Variants in TMTC2 observed in about 807,000 individuals in gnomAD.
TMTC2 encodes transmembrane O-mannosyltransferase targeting cadherins 2, also known as protein O-mannosyl-transferase TMTC2.
Under a neutral mutation model 82.4 loss-of-function variants are expected in TMTC2, and 43 were observed. The ratio of observed to expected loss-of-function variants is 0.52; its 90% confidence interval spans 0.41 to 0.67. TMTC2 has a LOEUF of 0.67. Among genes scored for constraint, TMTC2 ranks in the 30% least tolerant of loss-of-function variants. The probability of loss-of-function intolerance (pLI) is 0.00; values close to 1 mark genes in which losing one functional copy is unlikely to be tolerated. For synonymous variants in TMTC2, 408 were observed against 381.9 expected (o/e 1.07, Z -0.80); for missense variants, 919 against 1,012.4 (o/e 0.91, Z 1.25).
chr12:82,980,089 T>C (rs958760466), intron 7 of TMTC2, among the ~76,000 whole-genome samples: 4 of 151,846 alleles, frequency 2.6e-5, no homozygotes, highest in African/African-American at 9.7e-5. Context: ...TCTATAACCG[T>C]CTTGTTATTT....
chr12:82,693,275 A>C (rs183823696), intron 1 of TMTC2, among the ~76,000 whole-genome samples: 7 of 152,318 alleles, frequency 4.6e-5, no homozygotes, highest in Admixed American at 4.6e-4. Context: ...TCATATTTAA[A>C]AACTTTCATT....
At chr12:82,775,807 C>T (rs1052163447) in intron 1 of TMTC2, among the ~76,000 whole-genome samples, 25 of 152,024 alleles carry the variant, frequency 1.6e-4, no homozygotes, top group African/African-American at 5.5e-4. Context: ...TGTACCAACC[C>T]ATATCTAGTG....
At chr12:82,788,309 A>G (rs983676996) in intron 1 of TMTC2, among the ~76,000 whole-genome samples, 1 of 152,136 alleles carries the variant, frequency 6.6e-6, no homozygotes, top group Non-Finnish European at 1.5e-5. Flanking sequence ...GGAAATAAGT[A>G]TTTTTCTACA....
chr12:82,955,694 C>T (rs1233689343), intron 4 of TMTC2, among the ~76,000 whole-genome samples: 1 of 152,082 alleles, frequency 6.6e-6, no homozygotes, highest in Non-Finnish European at 1.5e-5. Context: ...GTTCATATCT[C>T]CAGGTGTATT....
chr12:82,943,077 T>C (rs1009777929), intron 4 of TMTC2, among the ~76,000 whole-genome samples: 7 of 152,162 alleles, frequency 4.6e-5, no homozygotes, highest in Admixed American at 2.6e-4. Flanking sequence ...GCTGCTTATA[T>C]AAACAAAGCA....
Position 82,985,857 on chromosome 12 carries a change from A to T in TMTC2, c.1949-68A>T, listed in dbSNP as rs1032313093. ...ACGCAGTATGATGATGATGATGATG[A>T]TGCTGTTGCAAATAATGTGGAAAAG... On this transcript the variant is annotated intron_variant, in intron 7 of 11. Transcript: ENST00000321196. 5.8e-6 allele frequency: 9 copies of T among 1,551,866 alleles called. No homozygotes were observed. In the African/African-American group the frequency reaches 1.2e-4, roughly 21 times the overall value.
rs1016275972 is a variant in TMTC2, at chr12:83,132,610, T to C, written c.*221T>C. On this transcript the variant is annotated 3_prime_UTR_variant, in exon 12 of 12. Transcript: ENST00000321196. Reference sequence around the variant, plus strand: ...GAAACCTCCTGGAGGATGTCATTGTTACCCATAGACTGTAAACCAGAGCAC... The same window carrying C: ...GAAACCTCCTGGAGGATGTCATTGTCACCCATAGACTGTAAACCAGAGCAC... The C allele has an allele frequency of 3.7e-6, 2 of 539,296 alleles. No individual in the cohort carries two copies. The highest frequency in any genetic ancestry group is 5.2e-5 in the South Asian group (2 of 38,714). 33.4% of individuals were successfully genotyped at this position (539,296 alleles called of 1,614,324 possible).
intron 4 of TMTC2, among the ~76,000 whole-genome samples, chr12:82,934,357 C>T (rs1412259539): frequency 6.6e-6 from 1 of 152,096 alleles, no homozygotes; most frequent in Non-Finnish European, 1.5e-5. Flanking sequence ...TTAGTTATTT[C>T]TCCTAATGCT....
intron 8 of TMTC2, among the ~76,000 whole-genome samples, chr12:83,016,379 C>A (rs529931084): frequency 1.3e-5 from 2 of 152,322 alleles, no homozygotes; most frequent in South Asian, 2.1e-4. Context: ...AGTATGCCTA[C>A]TCTTTTTTCA....
intron 11 of TMTC2, among the ~76,000 whole-genome samples, chr12:83,115,103 C>T (rs987649472): frequency 6.6e-6 from 1 of 151,980 alleles, no homozygotes; most frequent in African/African-American, 2.4e-5. Context: ...TTGGGATGAG[C>T]AGTCATGTAT....
intron 1 of TMTC2, among the ~76,000 whole-genome samples, chr12:82,710,981 G>T (rs1873592599): frequency 1.3e-5 from 2 of 152,108 alleles, no homozygotes; most frequent in African/African-American, 4.8e-5. Context: ...TAAACCTACT[G>T]GACAGATATT....
chr12:82,983,600 G>C (rs901447126), intron 7 of TMTC2, among the ~76,000 whole-genome samples: 1 of 151,896 alleles, frequency 6.6e-6, no homozygotes, highest in African/African-American at 2.4e-5. Context: ...CTCTTTTTCT[G>C]TACAGAAGAC....
At chr12:82,999,615 G>T (rs1304789733) in intron 8 of TMTC2, among the ~76,000 whole-genome samples, 1 of 152,274 alleles carries the variant, frequency 6.6e-6, no homozygotes, top group African/African-American at 2.4e-5. Flanking sequence ...ATAGATGTCA[G>T]CAGGCAAAGA....
At chr12:83,127,548 G>A (rs976079078) in intron 11 of TMTC2, among the ~76,000 whole-genome samples, 3 of 152,038 alleles carry the variant, frequency 2.0e-5, no homozygotes, top group African/African-American at 2.4e-5. Flanking sequence ...CACTCAGTTC[G>A]TCTTTTCGGA....
At chr12:82,940,076 A>C (rs1324742784) in intron 4 of TMTC2, among the ~76,000 whole-genome samples, 5 of 130,428 alleles carry the variant, frequency 3.8e-5, no homozygotes, top group Non-Finnish European at 7.7e-5. Flanking sequence ...GCTAGAGTGC[A>C]GTGGCGCGAT....
intron 1 of TMTC2, among the ~76,000 whole-genome samples, chr12:82,780,454 G>A (rs1451199986): frequency 6.6e-6 from 1 of 150,890 alleles, no homozygotes; most frequent in Non-Finnish European, 1.5e-5. Context: ...TTTGTTGAGT[G>A]TTTATGTTAT....
chr12:82,991,869 C>T (rs1348067826), intron 8 of TMTC2, among the ~76,000 whole-genome samples: 4 of 152,094 alleles, frequency 2.6e-5, no homozygotes, highest in African/African-American at 4.8e-5. Flanking sequence ...ATGCTTACTT[C>T]GTTTCTTTTT....
chr12:82,744,521 G>A (rs1455350017), intron 1 of TMTC2, among the ~76,000 whole-genome samples: 1 of 150,618 alleles, frequency 6.6e-6, no homozygotes, highest in Non-Finnish European at 1.5e-5. Context: ...CAAGTTCAGG[G>A]CTGCAGTGGG....
At chr12:83,024,832 G>A (rs11115534) in intron 8 of TMTC2, among the ~76,000 whole-genome samples, 89,965 of 151,990 alleles carry the variant, frequency 0.59, 27,147 homozygotes, top group South Asian at 0.73. Context: ...TTTGTTCACC[G>A]CTCTGTAATT....
Sources: gnomAD v4.1 joint callset for allele counts (sites outside exome capture counted in the v4.1 genomes callset) on GRCh38, gnomAD v4.1.1 for gene constraint, MANE v1.5 for transcripts, NCBI Gene and HGNC (gene_info 2026-07-23, HGNC 2026-07-21) for gene names.